BCL2: variants seen among roughly 807,000 people sequenced by gnomAD.
The protein encoded by BCL2 is apoptosis regulator Bcl-2.
BCL2 carries 1 observed loss-of-function variant against 14.2 expected under a neutral mutation model. The observed-to-expected ratio is 0.07, with a 90% confidence interval of 0.02 to 0.33. The LOEUF (loss-of-function observed/expected upper bound fraction) is 0.33. Among genes scored for constraint, BCL2 ranks in the 10% least tolerant of loss-of-function variants. The pLI, the probability that BCL2 is intolerant of heterozygous loss-of-function variation, is 0.99. For synonymous variants in BCL2, 151 were observed against 137.2 expected (o/e 1.10, Z -0.70); for missense variants, 247 against 305.9 (o/e 0.81, Z 1.44).
intron 2 of BCL2, among the ~76,000 whole-genome samples, chr18:63,244,046 C>T (rs1219130576): frequency 6.6e-6 from 1 of 152,080 alleles, no homozygotes; most frequent in Non-Finnish European, 1.5e-5. Flanking sequence ...GAGTTCGAGA[C>T]CAGCCTGTCC....
chr18:63,138,138 A>G (rs1021579526), intron 2 of BCL2, among the ~76,000 whole-genome samples: 2 of 152,280 alleles, frequency 1.3e-5, no homozygotes, highest in Non-Finnish European at 2.9e-5. Context: ...AGAGCGCTCC[A>G]TGAAGCCAAG....
At chr18:63,137,268 C>T (rs1435465681) in intron 2 of BCL2, among the ~76,000 whole-genome samples, 1 of 152,198 alleles carries the variant, frequency 6.6e-6, no homozygotes, top group Non-Finnish European at 1.5e-5. Flanking sequence ...CTAAATAATC[C>T]TCGGCTGTTC....
chr18:63,143,022 G>A (rs1914407014), intron 2 of BCL2, among the ~76,000 whole-genome samples: 1 of 152,188 alleles, frequency 6.6e-6, no homozygotes, highest in Admixed American at 6.5e-5. Flanking sequence ...GGTAAATGGT[G>A]GGCCAGGTCA....
At position 63,189,563 on chromosome 18, in the gene BCL2, T is replaced by C. The variant is rs370891250; in HGVS notation, c.586-60804A>G. Among the ~76,000 whole-genome samples, 198 of 152,302 alleles carry C rather than the reference T, an allele frequency of 1.3e-3. 2 individuals are homozygous for C. Among genetic ancestry groups the C allele is most frequent in the African/African-American group, 4.7e-3 (196 of 41,566 alleles). The stretch of plus-strand genomic sequence containing the variant: ...ATAAACTGAGTCAAGTCATCTTGTA[T>C]GTACTGAATGTTTTTCTGCGTTAGG... On this transcript the variant is annotated intron_variant, in intron 2 of 2. Transcript: ENST00000333681.
chr18:63,138,967 T>C (rs994814326), intron 2 of BCL2, among the ~76,000 whole-genome samples: 1 of 152,242 alleles, frequency 6.6e-6, no homozygotes, highest in Non-Finnish European at 1.5e-5. Context: ...TTGAAAATAA[T>C]GTGCAAAGAT....
intron 2 of BCL2, among the ~76,000 whole-genome samples, chr18:63,262,081 A>ATT (rs35818172): frequency 1.5e-4 from 23 of 149,360 alleles, no homozygotes; most frequent in African/African-American, 5.2e-4. Context: ...CGCCCAGCCA[A>ATT]TTTTTTTATA....
intron 2 of BCL2, among the ~76,000 whole-genome samples, chr18:63,262,983 T>C (rs1246186437): frequency 6.6e-6 from 1 of 152,146 alleles, no homozygotes; most frequent in Non-Finnish European, 1.5e-5. Flanking sequence ...TCCAAAACAC[T>C]AAGGAATACA....
chr18:63,180,053 A>G (rs1459039486), intron 2 of BCL2, among the ~76,000 whole-genome samples: 1 of 152,096 alleles, frequency 6.6e-6, no homozygotes. Flanking sequence ...CATCTACGCA[A>G]TCTATCAATT....
intron 2 of BCL2, among the ~76,000 whole-genome samples, chr18:63,240,817 C>G (rs970779444): frequency 3.9e-5 from 6 of 152,192 alleles, no homozygotes; most frequent in African/African-American, 7.2e-5. Context: ...TATTTGAGTA[C>G]ATAACTTGTC....
In BCL2 at chr18:63,145,452, A is replaced by G. The variant is rs372288952; in HGVS notation, c.586-16693T>C. ...CACTGCCCCGTCACCTGCTTCTTGC[A>G]TGGTCTCTCTCCTCCTGGAGGCACC... On this transcript the variant is annotated intron_variant, in intron 2 of 2. Coordinates refer to ENST00000333681, the MANE Select transcript of BCL2 (RefSeq NM_000633.3). Among the ~76,000 whole-genome samples, 586 of 151,322 alleles carry G rather than the reference A, an allele frequency of 3.9e-3. 3 individuals carry two copies. The highest frequency in any genetic ancestry group is 0.013 in the African/African-American group (538 of 40,930).
intron 2 of BCL2, among the ~76,000 whole-genome samples, chr18:63,298,604 A>T (rs1912865994): frequency 6.6e-6 from 1 of 152,222 alleles, no homozygotes; most frequent in Non-Finnish European, 1.5e-5. Context: ...ACAAAGGTGG[A>T]AGGAAAAATA....
chr18:63,213,511 G>T (rs972982566), intron 2 of BCL2, among the ~76,000 whole-genome samples: 37 of 145,768 alleles, frequency 2.5e-4, no homozygotes, highest in African/African-American at 8.4e-4. Flanking sequence ...GTTCAGATGA[G>T]TTGTACACAT....
At chr18:63,147,032 TC>T (rs1429856951) in intron 2 of BCL2, among the ~76,000 whole-genome samples, 3 of 151,724 alleles carry the variant, frequency 2.0e-5, no homozygotes, top group Non-Finnish European at 4.4e-5. Flanking sequence ...AGGGGAGGAG[TC>T]CCAGGAGAGC....
intron 2 of BCL2, among the ~76,000 whole-genome samples, chr18:63,306,028 T>C (rs1913120140): frequency 6.6e-6 from 1 of 152,168 alleles, no homozygotes; most frequent in African/African-American, 2.4e-5. Flanking sequence ...TGAACCGATA[T>C]GGTGCCACTG....
chr18:63,176,070 G>C (rs1329796525), intron 2 of BCL2, among the ~76,000 whole-genome samples: 1 of 152,174 alleles, frequency 6.6e-6, no homozygotes, highest in Non-Finnish European at 1.5e-5. Flanking sequence ...AGCGTGGTTT[G>C]GTTGCCTGCT....
At chr18:63,168,937 C>T (rs185909965) in intron 2 of BCL2, among the ~76,000 whole-genome samples, 7 of 152,350 alleles carry the variant, frequency 4.6e-5, no homozygotes, top group Middle Eastern at 3.4e-3. Flanking sequence ...GGATTGAACA[C>T]GCTCAGCGGT....
At chr18:63,193,591 T>TGTGTAC (rs1471549193) in intron 2 of BCL2, among the ~76,000 whole-genome samples, 1 of 149,842 alleles carries the variant, frequency 6.7e-6, no homozygotes, top group Non-Finnish European at 1.5e-5. Flanking sequence ...TATGTGTGTG[T>TGTGTAC]GTGTGTGTGT....
At chr18:63,183,699 C>A (rs553580410) in intron 2 of BCL2, among the ~76,000 whole-genome samples, 8 of 152,322 alleles carry the variant, frequency 5.3e-5, no homozygotes, top group South Asian at 4.1e-4. Context: ...AACACGCCAT[C>A]GCCTTCTGCA....
chr18:63,302,780 C>G, intron 2 of BCL2: 1 of 985,342 alleles, frequency 1.0e-6, no homozygotes, highest in Non-Finnish European at 1.2e-6. Flanking sequence ...GTTTAAGTTT[C>G]TTTTAAGAAA....
Sources: gnomAD v4.1 joint callset for allele counts (sites outside exome capture counted in the v4.1 genomes callset) on GRCh38, gnomAD v4.1.1 for gene constraint, MANE v1.5 for transcripts, NCBI Gene and HGNC (gene_info 2026-07-23, HGNC 2026-07-21) for gene names.